DLG2: variants seen among roughly 807,000 people sequenced by gnomAD.
DLG2 encodes disks large homolog 2.
A neutral mutation model predicts 132.5 loss-of-function variants in DLG2; 45 were observed. The observed-to-expected ratio is 0.34, with a 90% CI of 0.27 to 0.44. DLG2 has a LOEUF of 0.44. Among genes scored for constraint, DLG2 ranks in the 20% least tolerant of loss-of-function variants. The pLI is 1.00. For missense variants in DLG2, 1,045 were observed against 1,196.9 expected (o/e 0.87, Z 1.87); for synonymous variants, 424 against 419.6 (o/e 1.01, Z -0.13).
intron 6 of DLG2, among the ~76,000 whole-genome samples, chr11:84,969,897 C>G (rs546016827): frequency 6.6e-6 from 1 of 152,252 alleles, no homozygotes; most frequent in South Asian, 2.1e-4. Context: ...AACCATCATT[C>G]TCAGCAAACT....
chr11:85,416,780 G>T (rs972156379), intron 3 of DLG2, among the ~76,000 whole-genome samples: 2 of 152,068 alleles, frequency 1.3e-5, no homozygotes, highest in Non-Finnish European at 2.9e-5. Context: ...TGTGATTTTT[G>T]GACATTAATT....
intron 6 of DLG2, among the ~76,000 whole-genome samples, chr11:84,764,895 A>G (rs1036989500): frequency 2.0e-5 from 3 of 152,086 alleles, no homozygotes; most frequent in Non-Finnish European, 2.9e-5. Context: ...GGTTCAGTTC[A>G]TGGAGGATGA....
intron 18 of DLG2, chr11:83,681,857 A>G (rs949039870): frequency 6.5e-6 from 1 of 152,982 alleles, no homozygotes; most frequent in Non-Finnish European, 1.5e-5. Flanking sequence ...AAGAAAAACA[A>G]TTTCGTGACA....
At chr11:84,648,840 CTCCTGTCATGCT>C (rs1324415528) in intron 6 of DLG2, among the ~76,000 whole-genome samples, 2 of 151,984 alleles carry the variant, frequency 1.3e-5, no homozygotes, top group South Asian at 4.1e-4. Context: ...GAAGCAGATG[CTCCTGTCATGCT>C]TCTTGTACAG....
At chr11:83,999,797 T>C (rs747725285) in intron 11 of DLG2, among the ~76,000 whole-genome samples, 3 of 151,964 alleles carry the variant, frequency 2.0e-5, no homozygotes, top group Non-Finnish European at 4.4e-5. Context: ...GACTACATTA[T>C]TGCACACAAC....
chr11:84,502,210 CCTTCCT>C (rs2099211863), intron 7 of DLG2, among the ~76,000 whole-genome samples: 515 of 14,134 alleles, frequency 0.036, 135 homozygotes, highest in South Asian at 0.045. Flanking sequence ...CTCCTTCCTT[CCTTCCT>C]TCCTTCCTTC....
intron 9 of DLG2, among the ~76,000 whole-genome samples, chr11:84,153,649 A>G (rs2154253373): frequency 6.6e-6 from 1 of 152,306 alleles, no homozygotes; most frequent in African/African-American, 2.4e-5. Flanking sequence ...AATGCTTGCA[A>G]CTATACTATG....
At chr11:84,728,432 G>C (rs1156969205) in intron 6 of DLG2, among the ~76,000 whole-genome samples, 2 of 152,154 alleles carry the variant, frequency 1.3e-5, no homozygotes, top group African/African-American at 4.8e-5. Context: ...ACATCCCAGG[G>C]ATGAAACCAA....
At chr11:84,456,879 T>G (rs749904178) in intron 7 of DLG2, among the ~76,000 whole-genome samples, 1 of 151,208 alleles carries the variant, frequency 6.6e-6, no homozygotes. Context: ...TTGGAAGTGG[T>G]AAAAGGAAGT....
chr11:84,799,981 T>G (rs1302929837), intron 6 of DLG2, among the ~76,000 whole-genome samples: 1 of 152,194 alleles, frequency 6.6e-6, no homozygotes, highest in Non-Finnish European at 1.5e-5. Context: ...TGTCTGATTC[T>G]CAAAATACCT....
At chr11:83,635,487 G>A (rs372393973) in intron 18 of DLG2, among the ~76,000 whole-genome samples, 4 of 152,098 alleles carry the variant, frequency 2.6e-5, no homozygotes, top group East Asian at 1.9e-4. Flanking sequence ...AGAGGCTCTC[G>A]TCTCTTCTGC....
intron 6 of DLG2, among the ~76,000 whole-genome samples, chr11:85,078,175 G>A (rs1429800382): frequency 6.7e-6 from 1 of 149,280 alleles, no homozygotes; most frequent in Non-Finnish European, 1.5e-5. Flanking sequence ...TCTATTGGGG[G>A]AAATAAACAG....
At chr11:84,685,481 C>T (rs1340414363) in intron 6 of DLG2, among the ~76,000 whole-genome samples, 2 of 152,206 alleles carry the variant, frequency 1.3e-5, no homozygotes, top group East Asian at 3.9e-4. Context: ...TACAGCCTAT[C>T]TCCCAGATCC....
chr11:84,875,240 G>A (rs886979637), intron 6 of DLG2, among the ~76,000 whole-genome samples: 1 of 152,114 alleles, frequency 6.6e-6, no homozygotes, highest in Non-Finnish European at 1.5e-5. Context: ...AGGCATCAAA[G>A]TGAAAATGCT....
chr11:84,625,150 G>A (rs1047055066), intron 6 of DLG2, among the ~76,000 whole-genome samples: 3 of 151,796 alleles, frequency 2.0e-5, no homozygotes, highest in Admixed American at 6.6e-5. Flanking sequence ...GTGAGCCACC[G>A]CGCCCGGCCC....
intron 7 of DLG2, among the ~76,000 whole-genome samples, chr11:84,404,546 A>G (rs2098841911): frequency 1.3e-5 from 2 of 152,216 alleles, no homozygotes; most frequent in Admixed American, 6.5e-5. Flanking sequence ...CAGTGCCTAC[A>G]CCTATAGTAG....
chr11:85,167,566 C>G (rs891008884), intron 4 of DLG2, among the ~76,000 whole-genome samples: 1 of 152,080 alleles, frequency 6.6e-6, no homozygotes, highest in African/African-American at 2.4e-5. Context: ...TGCTCAAAGA[C>G]ACAAAGAAGA....
At chr11:83,590,940 G>C (rs959231808) in intron 19 of DLG2, among the ~76,000 whole-genome samples, 1 of 151,410 alleles carries the variant, frequency 6.6e-6, no homozygotes, top group Non-Finnish European at 1.5e-5. Flanking sequence ...GACTAAACCA[G>C]GAAGAAGTTG....
chr11:84,297,707 C>T (rs2098110096), intron 7 of DLG2, among the ~76,000 whole-genome samples: 1 of 151,996 alleles, frequency 6.6e-6, no homozygotes, highest in South Asian at 2.1e-4. Flanking sequence ...TTTTGTTGAA[C>T]TTTGAGTAAA....
Sources: allele counts gnomAD v4.1 joint callset (sites outside exome capture counted in the v4.1 genomes callset), GRCh38; gene constraint gnomAD v4.1.1; transcripts MANE v1.5; gene names NCBI Gene and HGNC (gene_info 2026-07-23, HGNC 2026-07-21).